Variants in TMLHE observed in about 807,000 individuals in gnomAD.
TMLHE encodes trimethyllysine hydroxylase, epsilon, also known as trimethyllysine dioxygenase, mitochondrial.
In TMLHE, 18 loss-of-function variants were observed where a neutral mutation model predicts 25.7. The observed-to-expected ratio is 0.70, with a 90% CI of 0.48 to 1.04. TMLHE has a LOEUF of 1.04. Among genes scored for constraint, TMLHE ranks in the 50% least tolerant of loss-of-function variants. TMLHE has a pLI of 0.00. For missense variants in TMLHE, 236 were observed against 259.0 expected (o/e 0.91, Z 0.61); for synonymous variants, 105 against 97.0 (o/e 1.08, Z -0.49).
intron 1 of TMLHE, among the ~76,000 whole-genome samples, chrX:155,547,363 C>T (rs1351522357): frequency 9.1e-6 from 1 of 109,865 alleles, no homozygotes; most frequent in Non-Finnish European, 1.9e-5. Flanking sequence ...CCAGGATGGT[C>T]TCGATCTCCT....
At position 155,597,683 on chromosome X, in the gene TMLHE, C is replaced by CAAAA. The variant is rs782758168; in HGVS notation, c.-2+15105_-2+15108dup. Among the ~76,000 whole-genome samples, 15 of 110,950 alleles carry CAAAA rather than the reference C, an allele frequency of 1.4e-4. No individual in the cohort carries two copies. In the South Asian group the frequency reaches 5.7e-3, roughly 42 times the overall value. ...GTTGAGTATTCCAAATTCAAAAATC[C>CAAAA]AAAATCTGAAACATTTTGAGCACTG... On this transcript the variant is annotated intron_variant, in intron 1 of 7. Coordinates refer to ENST00000334398, the MANE Select transcript of TMLHE (RefSeq NM_018196.4).
rs1557336192 is a variant in TMLHE at position 155,524,499 on chromosome X, C to A, written c.315G>T (p.Lys105Asn). ...LDTASVDLCI[K>N]PKTIRLDETT... ...TCTCATCCAGACGAATGGTCTTTGG[C>A]TTGATACATAAATCCACACTGGCAG... Residue 105 changes from lysine to asparagine, a missense_variant, in exon 3 of 8, where the codon AAG becomes AAT. Coordinates refer to ENST00000334398, the MANE Select transcript of TMLHE (RefSeq NM_018196.4). 1.7e-6 allele frequency: 2 copies of A among 1,206,669 alleles called. No individual in the cohort carries two copies. The highest frequency in any genetic ancestry group is 2.2e-6 in the Non-Finnish European group (2 of 893,034).
intron 1 of TMLHE, among the ~76,000 whole-genome samples, chrX:155,552,114 A>C (rs782561968): frequency 2.7e-5 from 3 of 110,379 alleles, no homozygotes; most frequent in East Asian, 5.6e-4. Flanking sequence ...TTATCCTTTT[A>C]ATACATCACT....
chrX:155,546,883 T>G (rs1016278040), intron 1 of TMLHE, among the ~76,000 whole-genome samples: 6 of 111,332 alleles, frequency 5.4e-5, no homozygotes, highest in Admixed American at 1.9e-4. Context: ...TTTATATTTT[T>G]TAAGGAGTTG....
chrX:155,557,595 G>T (rs2067466512), intron 1 of TMLHE, among the ~76,000 whole-genome samples: 1 of 111,163 alleles, frequency 9.0e-6, no homozygotes, highest in Non-Finnish European at 1.9e-5. Flanking sequence ...ACATATATCA[G>T]ATCTTTACAC....
At chrX:155,536,412 A>T (rs1016349554) in intron 2 of TMLHE, among the ~76,000 whole-genome samples, 6 of 111,689 alleles carry the variant, frequency 5.4e-5, no homozygotes, top group African/African-American at 2.0e-4. Flanking sequence ...ACTATATGCT[A>T]TATTCCATTT....
At chrX:155,551,185 A>T (rs2067412743) in intron 1 of TMLHE, among the ~76,000 whole-genome samples, 1 of 110,939 alleles carries the variant, frequency 9.0e-6, no homozygotes, top group Non-Finnish European at 1.9e-5. Context: ...ATGTAACTGC[A>T]TACAAGTTTC....
intron 4 of TMLHE, among the ~76,000 whole-genome samples, chrX:155,512,109 C>T (rs1437952485): frequency 1.8e-5 from 2 of 111,512 alleles, no homozygotes; most frequent in East Asian, 2.8e-4. Context: ...TTTCTATGCT[C>T]ACCTTTCTTT....
At chrX:155,535,636 T>C (rs1347471682) in intron 2 of TMLHE, among the ~76,000 whole-genome samples, 1 of 112,222 alleles carries the variant, frequency 8.9e-6, no homozygotes, top group Non-Finnish European at 1.9e-5. Flanking sequence ...AGATAATCTG[T>C]AGCAGAAACT....
At chrX:155,507,457 A>G (rs185854038) in intron 5 of TMLHE, among the ~76,000 whole-genome samples, 32 of 109,784 alleles carry the variant, frequency 2.9e-4, no homozygotes, top group South Asian at 1.2e-3. Context: ...AACTAAAGCA[A>G]ATAAATACCA....
intron 1 of TMLHE, chrX:155,612,429 G>C (rs2067829948): frequency 8.9e-6 from 1 of 112,079 alleles, no homozygotes; most frequent in Non-Finnish European, 1.9e-5. Flanking sequence ...CCAAGTCAGT[G>C]ACAGATCCAG....
At chrX:155,538,539 C>T (rs1226610730) in intron 2 of TMLHE, among the ~76,000 whole-genome samples, 2 of 111,255 alleles carry the variant, frequency 1.8e-5, no homozygotes, top group African/African-American at 6.5e-5. Context: ...ATACCATCTC[C>T]CCATCCTCAA....
intron 2 of TMLHE, among the ~76,000 whole-genome samples, chrX:155,544,077 G>T (rs1163683499): frequency 9.0e-6 from 1 of 111,632 alleles, no homozygotes; most frequent in African/African-American, 3.3e-5. Flanking sequence ...TGTAGGATGT[G>T]GGGGGATGAG....
At chrX:155,514,920 A>G (rs2067141801) in intron 3 of TMLHE, among the ~76,000 whole-genome samples, 1 of 111,816 alleles carries the variant, frequency 8.9e-6, no homozygotes, top group Non-Finnish European at 1.9e-5. Flanking sequence ...TTGAAAACCA[A>G]CCCTGAAATG....
chrX:155,605,435 G>A (rs186702822), intron 1 of TMLHE, among the ~76,000 whole-genome samples: 7 of 111,623 alleles, frequency 6.3e-5, no homozygotes, highest in African/African-American at 2.3e-4. Flanking sequence ...TGGGGGCCTA[G>A]ATTCAGCATT....
intron 2 of TMLHE, among the ~76,000 whole-genome samples, chrX:155,527,571 A>G (rs1408602825): frequency 8.9e-6 from 1 of 112,265 alleles, no homozygotes; most frequent in Admixed American, 9.4e-5. Context: ...TTATAGCAAA[A>G]TAAAAAAATT....
intron 1 of TMLHE, among the ~76,000 whole-genome samples, chrX:155,595,352 T>C (rs1275415369): frequency 1.8e-5 from 2 of 112,219 alleles, no homozygotes; most frequent in African/African-American, 6.5e-5. Flanking sequence ...GTAAATTGCA[T>C]ATCATAGTAA....
chrX:155,559,468 A>T (rs782032797), intron 1 of TMLHE, among the ~76,000 whole-genome samples: 1 of 111,292 alleles, frequency 9.0e-6, no homozygotes, highest in South Asian at 3.8e-4. Flanking sequence ...TTGCTGTTTC[A>T]TTGTCAAAAT....
At chrX:155,585,416 A>AACACAC (rs56160372) in intron 1 of TMLHE, among the ~76,000 whole-genome samples, 56 of 96,632 alleles carry the variant, frequency 5.8e-4, no homozygotes, top group African/African-American at 2.2e-3. Context: ...CACACACACA[A>AACACAC]ACACACACAC....
Sources: gnomAD v4.1 joint callset for allele counts (sites outside exome capture counted in the v4.1 genomes callset) on GRCh38, gnomAD v4.1.1 for gene constraint, MANE v1.5 for transcripts, NCBI Gene and HGNC (gene_info 2026-07-23, HGNC 2026-07-21) for gene names.